IDS: variants seen among roughly 807,000 people sequenced by gnomAD.
The protein encoded by IDS is iduronate 2-sulfatase, also known as alpha-L-iduronate sulfate sulfatase.
Under a neutral mutation model 33.5 loss-of-function variants are expected in IDS, and 1 was observed. That is an observed-to-expected ratio of 0.03 (90% confidence interval 0.01 to 0.14). The LOEUF is 0.14. IDS is among the 10% of genes least tolerant of loss of function. IDS has a pLI of 1.00. For missense variants in IDS, 328 were observed against 448.0 expected (o/e 0.73, Z 2.42); for synonymous variants, 191 against 184.4 (o/e 1.04, Z -0.29).
In IDS at chrX:149,478,204, G is replaced by T. The variant is rs1175394030; in HGVS notation, c.*4542C>A. ...GGTGAGGCTGCTCCAGAGTCACTTG[G>T]TTACCTCCCAGCACAAACCCCAACA... is the stretch of plus-strand genomic sequence containing the variant. On this transcript the variant is annotated 3_prime_UTR_variant, in exon 9 of 9. Coordinates refer to ENST00000340855, the MANE Select transcript of IDS (RefSeq NM_000202.8). 1 of 112,052 alleles carries T rather than the reference G, an allele frequency of 8.9e-6. No individual in the cohort carries two copies. The allele number at this position is 112,052 out of a possible 1,213,427, so 9.2% of individuals were successfully genotyped here.
chrX:149,490,200 CACTGGTTCACAAA>C (rs2089377511), intron 7 of IDS, 101 bp downstream of exon 7: 4 of 804,770 alleles, frequency 5.0e-6, no homozygotes, highest in East Asian at 3.3e-5. Context: ...GTTTGTGAAC[CACTGGTTCACAAA>C]AGAGAACACA....
In IDS at chrX:149,503,332, A is replaced by G. The variant is rs1557340229; in HGVS notation, c.398T>C (p.Val133Ala). The G allele has an allele frequency of 1.7e-6, 2 of 1,208,103 alleles. No individual in the cohort carries two copies. The highest frequency in any genetic ancestry group is 2.2e-6 in the Non-Finnish European group (2 of 893,779). ...AGTACCAGGGTGAAAGACTTTTCCC[A>G]CCGACATGGTCACATAGCCATTCTC... ...FKENGYVTMS[V>A]GKVFHPGISS... Residue 133 changes from valine (V) to alanine (A), a missense_variant, in exon 3 of 9, where the codon GTG becomes GCG. Physicochemically the swap from Val to Ala is moderately conservative, Grantham distance 64 (BLOSUM62 0). Coordinates refer to ENST00000340855, the MANE Select transcript of IDS (RefSeq NM_000202.8).
chrX:149,497,815 T>C (rs1343834024), intron 5 of IDS, among the ~76,000 whole-genome samples: 1 of 112,367 alleles, frequency 8.9e-6, no homozygotes, highest in Non-Finnish European at 1.9e-5. Context: ...TTCACTACTC[T>C]GTGGTGATCT....
chrX:149,486,361 G>A (rs1173431392), intron 8 of IDS, among the ~76,000 whole-genome samples: 1 of 111,657 alleles, frequency 9.0e-6, no homozygotes, highest in African/African-American at 3.3e-5. Flanking sequence ...GGGCATCAGT[G>A]CTGTTTTCAA....
Position 149,505,302 on chromosome X carries a change from C to T in IDS, c.-165G>A, listed in dbSNP as rs1602751094. On this transcript the variant is annotated 5_prime_UTR_variant, in exon 1 of 9. Transcript: ENST00000340855. ...GCAGGCCCGGGCGCTGGCCGCAGCGCGAGTGCGTCCGTGCGACTCTTCCCT... is the reference window on the plus strand; with the variant it reads ...GCAGGCCCGGGCGCTGGCCGCAGCGTGAGTGCGTCCGTGCGACTCTTCCCT... The T allele has an allele frequency of 1.4e-4, 44 of 308,869 alleles. No individual in the cohort carries two copies. The East Asian group carries it at 2.0e-3, about 14-fold the overall frequency. 25.5% of individuals were successfully genotyped at this position (308,869 alleles called of 1,213,427 possible).
At chrX:149,495,078 C>T (rs938226003) in intron 6 of IDS, among the ~76,000 whole-genome samples, 1 of 111,970 alleles carries the variant, frequency 8.9e-6, no homozygotes, top group East Asian at 2.8e-4. Context: ...CCCATGAGGA[C>T]TAAAGGCGAT....
chrX:149,490,928 G>A (rs782126503), intron 6 of IDS, among the ~76,000 whole-genome samples: 23 of 111,582 alleles, frequency 2.1e-4, no homozygotes, highest in Admixed American at 6.6e-4. Context: ...TGTTCTTCCC[G>A]TGTCTCTCTC....
At chrX:149,498,487 G>A (rs1557339566) in intron 4 of IDS, among the ~76,000 whole-genome samples, 180 bp from the exon 5 acceptor site, 1 of 111,829 alleles carries the variant, frequency 8.9e-6, no homozygotes, top group East Asian at 2.8e-4. Flanking sequence ...TCCAGGCAGG[G>A]GCCAGAAATC....
intron 6 of IDS, among the ~76,000 whole-genome samples, chrX:149,493,923 G>C (rs2089414527): frequency 9.0e-6 from 1 of 111,451 alleles, no homozygotes; most frequent in African/African-American, 3.3e-5. Context: ...ATTTCTACAA[G>C]AGGAAAGGTG....
intron 6 of IDS, among the ~76,000 whole-genome samples, chrX:149,492,408 G>A (rs1391537546): frequency 3.6e-5 from 4 of 111,773 alleles, no homozygotes; most frequent in African/African-American, 6.5e-5. Context: ...GGGCTCAGAT[G>A]CTCCAAGCAG....
In IDS at chrX:149,501,047, A is replaced by G; in HGVS notation, c.419-10T>C. On this transcript the variant is annotated splice_polypyrimidine_tract_variant and intron_variant, in intron 3 of 8. Coordinates refer to ENST00000340855, the MANE Select transcript of IDS (RefSeq NM_000202.8). Reference sequence around the variant, plus strand: ...TGGTTAGAAGATATCCCTTGGAAAAAAAAAAAGGTTGTTAAAACATGATGA... The same window carrying G: ...TGGTTAGAAGATATCCCTTGGAAAAGAAAAAAGGTTGTTAAAACATGATGA... The G allele has an allele frequency of 9.2e-7, 1 of 1,092,718 alleles. No individual in the cohort carries two copies. Among genetic ancestry groups the G allele is most frequent in the Middle Eastern group, 2.4e-4 (1 of 4,092 alleles). The allele number at this position is 1,092,718 out of a possible 1,213,427, so 90.1% of individuals were successfully genotyped here. A position where few individuals can be genotyped will look rare whatever the true frequency, so the allele number is the denominator to read the frequency against.
chrX:149,494,541 A>G (rs1050668322), intron 6 of IDS, among the ~76,000 whole-genome samples: 1 of 111,158 alleles, frequency 9.0e-6, no homozygotes, highest in Non-Finnish European at 1.9e-5. Flanking sequence ...ATGGGCTTGG[A>G]TGCGGACATC....
intron 5 of IDS, among the ~76,000 whole-genome samples, chrX:149,497,175 A>G (rs1557339385): frequency 9.1e-6 from 1 of 110,209 alleles, no homozygotes; most frequent in Admixed American, 9.5e-5. Flanking sequence ...CCAGGCTCCC[A>G]GAAAAAAAAA....
chrX:149,483,666 T>C (rs781862353), intron 8 of IDS, among the ~76,000 whole-genome samples: 2 of 112,358 alleles, frequency 1.8e-5, no homozygotes, highest in African/African-American at 3.2e-5. Flanking sequence ...CCATGACATT[T>C]ACCATCGTAA....
chrX:149,487,759 A>G (rs2089351942), intron 7 of IDS, among the ~76,000 whole-genome samples: 1 of 109,574 alleles, frequency 9.1e-6, no homozygotes, highest in Non-Finnish European at 1.9e-5. Context: ...CAAGTTGGAA[A>G]TACCCAGTCT....
At position 149,501,042 on chromosome X, in the gene IDS, G is replaced by GAAA. The variant is rs781852261; in HGVS notation, c.419-8_419-6dup. 1 of 850,766 alleles carries GAAA rather than the reference G, an allele frequency of 1.2e-6. No individual in the cohort carries two copies. The allele number at this position is 850,766 out of a possible 1,213,427, so 70.1% of individuals were successfully genotyped here. On this transcript the variant is annotated splice_region_variant and splice_polypyrimidine_tract_variant and intron_variant, in intron 3 of 8. Transcript: ENST00000340855. ...CGGTATGGTTAGAAGATATCCCTTG[G>GAAA]AAAAAAAAAAAGGTTGTTAAAACAT... is the stretch of plus-strand genomic sequence containing the variant.
chrX:149,504,457 G>A (rs1183604829), intron 1 of IDS, among the ~76,000 whole-genome samples, 164 bp from the exon 2 acceptor site: 1 of 111,878 alleles, frequency 8.9e-6, no homozygotes, highest in East Asian at 2.8e-4. Context: ...GGGGCTCGAG[G>A]AGGAAGCCTG....
At chrX:149,491,515 GT>G in intron 6 of IDS, 2 of 951,751 alleles carry the variant, frequency 2.1e-6, no homozygotes, top group Non-Finnish European at 2.7e-6. Context: ...CACTGCCAGG[GT>G]GAGGACAATC....
chrX:149,490,459 T>C lies in IDS; in HGVS notation c.880-19A>G, dbSNP rs781883143. On this transcript the variant is annotated intron_variant, in intron 6 of 8. Coordinates refer to ENST00000340855, the MANE Select transcript of IDS (RefSeq NM_000202.8). ...TTTTCCGCTGCAAATTGAAAAAAAA[T>C]AAAAATGAGAGTGACTGCAATTTAA... The C allele has an allele frequency of 1.8e-5, 22 of 1,207,101 alleles. 1 individual carries two copies. In the Admixed American group the frequency reaches 3.9e-4, roughly 22 times the overall value.
Sources: allele counts gnomAD v4.1 joint callset (sites outside exome capture counted in the v4.1 genomes callset), GRCh38; gene constraint gnomAD v4.1.1; transcripts MANE v1.5; gene names NCBI Gene and HGNC (gene_info 2026-07-23, HGNC 2026-07-21).